The following ZNF799 variants were observed in gnomAD, a reference collection of about 807,000 sequenced individuals.
ZNF799 encodes the protein zinc finger protein 14.
ZNF799 carries 28 observed loss-of-function variants against 41.0 expected under a neutral mutation model. That is an observed-to-expected ratio of 0.68 (90% CI 0.51 to 0.94). The LOEUF (loss-of-function observed/expected upper bound fraction) is 0.94. ZNF799 is among the 40% of genes least tolerant of loss of function. The pLI, the probability that ZNF799 is intolerant of heterozygous loss-of-function variation, is 0.00. For missense variants in ZNF799, 716 were observed against 764.3 expected (o/e 0.94, Z 0.74); for synonymous variants, 213 against 252.9 (o/e 0.84, Z 1.50).
chr19:12,400,937 C>T (rs1969972202), intron 1 of ZNF799, 131 bp downstream of exon 1: 2 of 1,562,902 alleles, frequency 1.3e-6, no homozygotes, highest in African/African-American at 2.7e-5. Flanking sequence ...GAGGGCCGAC[C>T]TACGCCAGGG....
At chr19:12,397,564 C>CAAAAA in intron 1 of ZNF799, among the ~76,000 whole-genome samples, 1 of 65,524 alleles carries the variant, frequency 1.5e-5, no homozygotes, top group African/African-American at 5.4e-5. Context: ...GACCCTGTCT[C>CAAAAA]AAAAAAAAAA....
intron 1 of ZNF799, among the ~76,000 whole-genome samples, chr19:12,397,564 CAA>C (rs1163640631): frequency 4.1e-4 from 27 of 65,422 alleles, no homozygotes; most frequent in Non-Finnish European, 6.0e-4. Flanking sequence ...GACCCTGTCT[CAA>C]AAAAAAAAAA....
chr19:12,401,750 T>C (rs1359104935), upstream of ZNF799, among the ~76,000 whole-genome samples: 1 of 151,540 alleles, frequency 6.6e-6, no homozygotes, highest in Non-Finnish European at 1.5e-5. Context: ...AATTTTTGTA[T>C]GTTTTAGTAG....
At chr19:12,392,736 C>A in intron 2 of ZNF799, 73 bp from the exon 3 acceptor site, 4 of 1,228,584 alleles carry the variant, frequency 3.3e-6, no homozygotes, top group Non-Finnish European at 4.7e-6. Flanking sequence ...TTTTGATGTA[C>A]ACTGCAATCG....
At chr19:12,406,483 C>CAA in the ZNF799 span, among the ~76,000 whole-genome samples, 1 of 101,676 alleles carries the variant, frequency 9.8e-6, no homozygotes, top group Non-Finnish European at 2.1e-5. Flanking sequence ...GACTCCGTCT[C>CAA]AAAAAAAAAA....
At chr19:12,409,276 T>C in the ZNF799 span, among the ~76,000 whole-genome samples, 1 of 152,190 alleles carries the variant, frequency 6.6e-6, no homozygotes, top group Non-Finnish European at 1.5e-5. Flanking sequence ...GCCACTGGTT[T>C]GACAGCATGT....
chr19:12,397,659 TTAAAA>T (rs944474352), intron 1 of ZNF799, among the ~76,000 whole-genome samples: 16 of 148,808 alleles, frequency 1.1e-4, no homozygotes, highest in African/African-American at 3.2e-4. Context: ...GACTCCTCAG[TTAAAA>T]TAAAAGGAGA....
rs747012758 is a variant in ZNF799 at position 12,391,929 on chromosome 19, G to T, written c.469C>A (p.Gln157Lys). The T allele has an allele frequency of 6.2e-7, 1 of 1,614,214 alleles. No homozygotes were observed. The highest frequency in any genetic ancestry group is 8.5e-7 in the Non-Finnish European group (1 of 1,180,028). Reference sequence around the variant, plus strand: ...CCAGTGTGAAGCCTCTCATGTGTTTGAAGTGAGTTGTGGTAACTGAAGGCT... The same window carrying T: ...CCAGTGTGAAGCCTCTCATGTGTTTTAAGTGAGTTGTGGTAACTGAAGGCT... ...GKAFSYHNSLQTHERLHTGKK... is the reference protein window; with the variant it reads ...GKAFSYHNSLKTHERLHTGKK... Residue 157 changes from glutamine (Q) to lysine (K), a missense_variant, in exon 4 of 4, where the codon CAA becomes AAA. Transcript: ENST00000430385.
At chr19:12,397,095 A>G (rs1969906617) in intron 1 of ZNF799, among the ~76,000 whole-genome samples, 1 of 152,254 alleles carries the variant, frequency 6.6e-6, no homozygotes, top group South Asian at 2.1e-4. Flanking sequence ...ATAGTTTATA[A>G]TAGGGCAAAT....
Position 12,391,755 on chromosome 19 carries a change from G to T in ZNF799, c.643C>A (p.His215Asn). The T allele has an allele frequency of 6.2e-7, 1 of 1,614,126 alleles. No homozygotes were observed. Among genetic ancestry groups the T allele is most frequent in the African/African-American group, 1.3e-5 (1 of 75,034 alleles). Reference protein sequence around the residue: ...AFFWPSLLHMHERTHTGEKPY... With the variant: ...AFFWPSLLHMNERTHTGEKPY... ...TTCTCTCCAGTGTGCGTTCTCTCAT[G>T]CATATGTAATAAACTGGGCCAAAAA... is the stretch of plus-strand genomic sequence containing the variant. Residue 215 changes from histidine to asparagine, a missense_variant, in exon 4 of 4, where the codon CAT becomes AAT. Coordinates refer to ENST00000430385, the MANE Select transcript of ZNF799 (RefSeq NM_001080821.3).
intron 1 of ZNF799, among the ~76,000 whole-genome samples, chr19:12,396,117 G>T (rs1476348476): frequency 6.6e-6 from 1 of 152,182 alleles, no homozygotes; most frequent in Non-Finnish European, 1.5e-5. Context: ...ATAACATTGA[G>T]ATGTCTACTT....
chr19:12,409,479 A>T, the ZNF799 span, among the ~76,000 whole-genome samples: 1 of 152,214 alleles, frequency 6.6e-6, no homozygotes, highest in Non-Finnish European at 1.5e-5. Flanking sequence ...CTCTATCAAT[A>T]ATTGATCAAT....
rs891595734 is a variant in ZNF799, at chr19:12,401,215, G to A, written c.-145C>T. 2.8e-5 allele frequency: 42 copies of A among 1,514,140 alleles called. No homozygotes were observed. The Admixed American group carries it at 4.7e-4, about 17-fold the overall frequency. The allele number at this position is 1,514,140 out of a possible 1,614,324, so 93.8% of individuals were successfully genotyped here. The stretch of plus-strand genomic sequence containing the variant: ...CGAGCGCCCAGCGCAGGTGGGTGGA[G>A]AAGACGCCGCGGGCTTTTTCAACCA... On this transcript the variant is annotated 5_prime_UTR_variant, in exon 1 of 4. Transcript: ENST00000430385.
chr19:12,397,562 C>T (rs1329790716), intron 1 of ZNF799, among the ~76,000 whole-genome samples: 5 of 130,436 alleles, frequency 3.8e-5, no homozygotes, highest in Non-Finnish European at 8.0e-5. Context: ...AAGACCCTGT[C>T]TCAAAAAAAA....
chr19:12,413,275 T>G, the ZNF799 span, among the ~76,000 whole-genome samples: 25 of 152,142 alleles, frequency 1.6e-4, no homozygotes, highest in Non-Finnish European at 3.1e-4. Context: ...TACCCTCCAA[T>G]GAAAAGGACA....
chr19:12,392,169 C>T lies in ZNF799; in HGVS notation c.229G>A (p.Gly77Arg). ...MLERFVESKD[G>R]TQCGETSSQI... is the part of the protein sequence containing the mutation. ...CTAGATGTTTCTCCACATTGAGTTC[C>T]ATCTTTACTTTCAACAAATCTCTCT... Residue 77 changes from glycine (G) to arginine (R), a missense_variant, in exon 4 of 4, where the codon GGA becomes AGA. By Grantham distance (125) the Gly-to-Arg change is moderately radical. Coordinates refer to ENST00000430385, the MANE Select transcript of ZNF799 (RefSeq NM_001080821.3). The T allele has an allele frequency of 6.3e-7, 1 of 1,590,804 alleles. No individual in the cohort carries two copies. The highest frequency in any genetic ancestry group is 8.6e-7 in the Non-Finnish European group (1 of 1,167,396).
upstream of ZNF799, among the ~76,000 whole-genome samples, chr19:12,403,311 CCTTT>C (rs951951725): frequency 3.3e-5 from 5 of 151,782 alleles, no homozygotes; most frequent in Admixed American, 3.3e-4. Flanking sequence ...TTTATTTGGG[CCTTT>C]CTGTTTTTTT....
the ZNF799 span, among the ~76,000 whole-genome samples, chr19:12,409,428 A>G: frequency 6.6e-6 from 1 of 152,240 alleles, no homozygotes; most frequent in Non-Finnish European, 1.5e-5. Context: ...TGCAAGGCAA[A>G]TACACAAATC....
At chr19:12,409,453 A>T in the ZNF799 span, among the ~76,000 whole-genome samples, 2 of 152,234 alleles carry the variant, frequency 1.3e-5, no homozygotes, top group African/African-American at 4.8e-5. Flanking sequence ...ATTATAGTTG[A>T]AGGAGAACAA....
Sources: gnomAD v4.1 joint callset for allele counts (sites outside exome capture counted in the v4.1 genomes callset) on GRCh38, gnomAD v4.1.1 for gene constraint, MANE v1.5 for transcripts, NCBI Gene and HGNC (gene_info 2026-07-23, HGNC 2026-07-21) for gene names.